The following CLEC18A variants were observed in gnomAD, a reference collection of about 807,000 sequenced individuals.
The protein encoded by CLEC18A is C-type lectin domain family 18 member A.
In CLEC18A, 5 loss-of-function variants were observed where a neutral mutation model predicts 24.0. That is an observed-to-expected ratio of 0.21 (90% CI 0.11 to 0.44). The LOEUF is 0.44. CLEC18A is among the 20% of genes least tolerant of loss of function. CLEC18A has a pLI of 0.99. For synonymous variants in CLEC18A, 29 were observed against 100.1 expected (o/e 0.29, Z 4.24); for missense variants, 83 against 233.4 (o/e 0.36, Z 4.20).
At chr16:69,945,158 C>T in the CLEC18A span, among the ~76,000 whole-genome samples, 1 of 147,864 alleles carries the variant, frequency 6.8e-6, no homozygotes, top group Admixed American at 6.6e-5. Context: ...GGTATGGTGG[C>T]ACGTGCCTAT....
At chr16:69,956,040 G>T (rs2059030527) in intron 3 of CLEC18A, among the ~76,000 whole-genome samples, 1 of 152,106 alleles carries the variant, frequency 6.6e-6, no homozygotes. Flanking sequence ...GAGCCCGGGA[G>T]TTCGAGATCA....
intron 3 of CLEC18A, among the ~76,000 whole-genome samples, chr16:69,956,151 G>A (rs1597212468): frequency 6.8e-6 from 1 of 146,972 alleles, no homozygotes; most frequent in African/African-American, 2.6e-5. Flanking sequence ...GGAGGCTGAG[G>A]TAGGAGAATT....
At chr16:69,953,610 G>T (rs1177268416) in intron 2 of CLEC18A, 1 of 135,184 alleles carries the variant, frequency 7.4e-6, no homozygotes, top group Non-Finnish European at 1.7e-5. Context: ...AAGGTCAGCA[G>T]TTTGAGACCA....
rs894361777 is a variant in CLEC18A, at chr16:69,957,189, G to T, written c.457-1753G>T. 2.0e-5 allele frequency among the ~76,000 whole-genome samples: 3 copies of T among 147,368 alleles called. No individual in the cohort carries two copies. The South Asian group carries it at 6.7e-4, about 33-fold the overall frequency. On this transcript the variant is annotated intron_variant, in intron 3 of 11. Transcript: ENST00000288040. ...TTGTTTTTGTTTGTTTTGAGACATG[G>T]TCTGGCTCTGTCGCCCAGGCTGGAG...
chr16:69,944,682 A>G, the CLEC18A span, among the ~76,000 whole-genome samples: 2 of 150,206 alleles, frequency 1.3e-5, no homozygotes, highest in African/African-American at 2.5e-5. Flanking sequence ...TAAAGATACA[A>G]AAAGTTAGCC....
chr16:69,950,396 G>T (rs2650535), upstream of CLEC18A, among the ~76,000 whole-genome samples: 2 of 127,186 alleles, frequency 1.6e-5, 1 homozygote, highest in Non-Finnish European at 3.8e-5. Flanking sequence ...GTTGCAGCCC[G>T]CAGGAAGCCA....
the CLEC18A span, among the ~76,000 whole-genome samples, chr16:69,944,328 A>G: frequency 9.9e-5 from 15 of 151,718 alleles, no homozygotes; most frequent in Non-Finnish European, 2.2e-4. Context: ...TCACAGCAGA[A>G]CGTCAGCTCT....
upstream of CLEC18A, among the ~76,000 whole-genome samples, chr16:69,950,529 C>T (rs2058932766): frequency 1.5e-5 from 1 of 67,372 alleles, no homozygotes; most frequent in Non-Finnish European, 3.3e-5. Flanking sequence ...GCTACGCCGC[C>T]TGTTTTTCTA....
downstream of CLEC18A, chr16:69,964,494 T>C (rs1959291312): frequency 1.8e-5 from 2 of 109,628 alleles, no homozygotes; most frequent in South Asian, 7.0e-4. Context: ...TTCTTTTCTT[T>C]TCTTTTCTTT....
chr16:69,964,805 A>G (rs1959315333), downstream of CLEC18A, among the ~76,000 whole-genome samples: 1 of 145,126 alleles, frequency 6.9e-6, no homozygotes, highest in Non-Finnish European at 1.5e-5. Context: ...GCCCGGCCCT[A>G]TTTTTTTCTT....
At chr16:69,945,593 G>A in the CLEC18A span, among the ~76,000 whole-genome samples, 13 of 152,260 alleles carry the variant, frequency 8.5e-5, no homozygotes, top group Non-Finnish European at 1.8e-4. Flanking sequence ...TCTTGCCTCA[G>A]TCTCCCAAAT....
the CLEC18A span, among the ~76,000 whole-genome samples, chr16:69,945,067 C>T: frequency 4.8e-5 from 7 of 145,990 alleles, no homozygotes; most frequent in Non-Finnish European, 8.9e-5. Flanking sequence ...ACCTGAACCC[C>T]GGAGCCGTGA....
downstream of CLEC18A, among the ~76,000 whole-genome samples, chr16:69,964,613 C>T (rs931584250): frequency 4.0e-4 from 60 of 151,238 alleles, no homozygotes; most frequent in Non-Finnish European, 1.3e-4. Flanking sequence ...CATTGTCCTG[C>T]CTCAGCCTCC....
intron 2 of CLEC18A, chr16:69,953,022 G>A (rs1444694862): frequency 6.7e-6 from 1 of 149,844 alleles, no homozygotes; most frequent in African/African-American, 2.5e-5. Context: ...TCCGTGGTTG[G>A]GTACTCCTGC....
At chr16:69,966,533 C>G (rs555689026), downstream of CLEC18A, among the ~76,000 whole-genome samples, 1 of 144,180 alleles carries the variant, frequency 6.9e-6, no homozygotes, top group East Asian at 2.0e-4. Flanking sequence ...CATGGCAACG[C>G]CAGAATGTTA....
chr16:69,945,356 T>G, the CLEC18A span, among the ~76,000 whole-genome samples: 1 of 152,012 alleles, frequency 6.6e-6, no homozygotes. Context: ...TCTATATGTC[T>G]TGTCCTTTTT....
upstream of CLEC18A, among the ~76,000 whole-genome samples, chr16:69,949,101 A>G (rs1457750597): frequency 3.1e-5 from 4 of 130,974 alleles, no homozygotes; most frequent in South Asian, 8.4e-4. Context: ...ACAGGCACCC[A>G]CCACCCTGCC....
At chr16:69,966,467 C>T (rs1229105002), downstream of CLEC18A, among the ~76,000 whole-genome samples, 6 of 140,610 alleles carry the variant, frequency 4.3e-5, no homozygotes, top group Non-Finnish European at 9.3e-5. Context: ...ATGCGAATGA[C>T]CTCTGGTCGT....
chr16:69,965,398 G>GC (rs1959349512), downstream of CLEC18A, among the ~76,000 whole-genome samples: 1 of 151,962 alleles, frequency 6.6e-6, no homozygotes, highest in Admixed American at 6.5e-5. Context: ...CCCGGGACCC[G>GC]CCCCTTGTCC....
Sources: gnomAD v4.1 joint callset for allele counts (sites outside exome capture counted in the v4.1 genomes callset) on GRCh38, gnomAD v4.1.1 for gene constraint, MANE v1.5 for transcripts, NCBI Gene and HGNC (gene_info 2026-07-23, HGNC 2026-07-21) for gene names.